The following ABCA12 variants were observed in gnomAD, a reference collection of about 807,000 sequenced individuals.
The protein encoded by ABCA12 is glucosylceramide transporter ABCA12.
In ABCA12, 156 loss-of-function variants were observed where a neutral mutation model predicts 293.5. That is an observed-to-expected ratio of 0.53 (90% CI 0.47 to 0.61). ABCA12 has a LOEUF of 0.61. Ranked by LOEUF, ABCA12 falls within the 20% of genes least tolerant of loss-of-function variation. The pLI is 0.00. For missense variants in ABCA12, 2,797 were observed against 3,090.2 expected (o/e 0.91, Z 2.25); for synonymous variants, 1,063 against 1,108.0 (o/e 0.96, Z 0.81).
chr2:214,935,956 A>G (rs1698206147), intron 51 of ABCA12, among the ~76,000 whole-genome samples: 1 of 152,146 alleles, frequency 6.6e-6, no homozygotes, highest in African/African-American at 2.4e-5. Context: ...TCAAATTAAC[A>G]TTGTGCCTTA....
chr2:214,945,348 G>A (rs937248301), intron 48 of ABCA12, among the ~76,000 whole-genome samples: 39 of 152,046 alleles, frequency 2.6e-4, no homozygotes, highest in African/African-American at 8.9e-4. Flanking sequence ...CTTTACATCC[G>A]TCTCTTATGT....
rs145095586 is a variant in ABCA12, at chr2:214,944,877, A to ATG, written c.7343+123_7343+124insCA. The stretch of plus-strand genomic sequence containing the variant: ...GTGTATATATTTTGTATGTGTGTAT[A>ATG]TATATATATACACACACATATATAT... On this transcript the variant is annotated intron_variant, in intron 49 of 52. Coordinates refer to ENST00000272895, the MANE Select transcript of ABCA12 (RefSeq NM_173076.3). The ATG allele has an allele frequency of 6.6e-5, 46 of 694,100 alleles. No homozygotes were observed. In the South Asian group the frequency reaches 7.5e-4, roughly 11 times the overall value. The allele number at this position is 694,100 out of a possible 1,614,324, so 43.0% of individuals were successfully genotyped here. A position where few individuals can be genotyped will look rare whatever the true frequency, so the allele number is the denominator to read the frequency against.
chr2:214,974,303 G>A (rs1699460240), intron 35 of ABCA12, among the ~76,000 whole-genome samples: 1 of 152,140 alleles, frequency 6.6e-6, no homozygotes, highest in African/African-American at 2.4e-5. Context: ...GTGTCAGGAT[G>A]GGGTTTCTTC....
At chr2:214,963,314 G>GA (rs1258177309) in intron 39 of ABCA12, 4 of 151,880 alleles carry the variant, frequency 2.6e-5, no homozygotes, top group Non-Finnish European at 2.9e-5. Context: ...AGAAAATGTA[G>GA]AAAAAATGGA....
Position 214,955,436 on chromosome 2 carries a change from C to A in ABCA12, c.6234-75G>T, listed in dbSNP as rs993837749. ...GTGGCTCACACCTGTAATCCTAACA[C>A]TTTAGGAGGCTGAGGCAGGTGGATC... On this transcript the variant is annotated intron_variant, in intron 42 of 52. Coordinates refer to ENST00000272895, the MANE Select transcript of ABCA12 (RefSeq NM_173076.3). 2.4e-4 allele frequency: 344 copies of A among 1,448,348 alleles called. 4 individuals are homozygous for A. The highest frequency in any genetic ancestry group is 5.1e-5 in the Admixed American group (3 of 58,568). 89.7% of individuals were successfully genotyped at this position (1,448,348 alleles called of 1,614,324 possible). A position where few individuals can be genotyped will look rare whatever the true frequency, so the allele number is the denominator to read the frequency against.
chr2:215,103,571 C>G (rs907817479), intron 2 of ABCA12, among the ~76,000 whole-genome samples: 18 of 151,716 alleles, frequency 1.2e-4, no homozygotes, highest in Non-Finnish European at 2.7e-4. Context: ...GCACCTGGCC[C>G]TATAACATCC....
intron 3 of ABCA12, among the ~76,000 whole-genome samples, chr2:215,057,251 A>C (rs376334815): frequency 1.3e-5 from 2 of 152,080 alleles, no homozygotes; most frequent in African/African-American, 4.8e-5. Flanking sequence ...AATAACACCT[A>C]CTTTGCAAGG....
At chr2:214,948,909 CA>C in intron 46 of ABCA12, 130 bp downstream of exon 46, 1 of 1,131,696 alleles carries the variant, frequency 8.8e-7, no homozygotes, top group Non-Finnish European at 1.3e-6. Context: ...CATTTCCACC[CA>C]CCTTAATAGC....
chr2:214,988,927 C>T (rs1425366240), intron 26 of ABCA12, among the ~76,000 whole-genome samples: 1 of 151,164 alleles, frequency 6.6e-6, no homozygotes, highest in Non-Finnish European at 1.5e-5. Flanking sequence ...GCCCGTAATC[C>T]CAGCACTTTG....
chr2:215,137,559 G>C (rs986432877), intron 1 of ABCA12, among the ~76,000 whole-genome samples: 1 of 152,186 alleles, frequency 6.6e-6, no homozygotes, highest in African/African-American at 2.4e-5. Context: ...TAGTAGTAAA[G>C]CTAAGTGATT....
At chr2:214,961,417 C>T (rs909539105) in intron 39 of ABCA12, among the ~76,000 whole-genome samples, 2 of 152,066 alleles carry the variant, frequency 1.3e-5, no homozygotes, top group African/African-American at 4.8e-5. Flanking sequence ...TTAGGAGCTA[C>T]AACAAGCCTG....
In ABCA12 at chr2:214,989,582, A is replaced by G; in HGVS notation, c.3664T>C (p.Tyr1222His). Residue 1222 changes from tyrosine to histidine, a missense_variant, in exon 25 of 53, where the codon TAC becomes CAC. Physicochemically the swap from Tyr to His is moderately conservative, Grantham distance 83. Coordinates refer to ENST00000272895, the MANE Select transcript of ABCA12 (RefSeq NM_173076.3). ...CCCTGTTCTTCGTATCGTGCAATGT[A>G]TTGGCTTGCATAGCTGAATGCTGTT... ...SPTAFSYASQ[Y>H]IARYEEQGIG... The G allele has an allele frequency of 1.2e-6, 2 of 1,614,066 alleles. No individual in the cohort carries two copies. The highest frequency in any genetic ancestry group is 1.3e-5 in the African/African-American group (1 of 75,058).
intron 51 of ABCA12, among the ~76,000 whole-genome samples, chr2:214,934,531 T>C (rs183272903): frequency 1.0e-3 from 153 of 152,336 alleles, no homozygotes; most frequent in Non-Finnish European, 1.9e-3. Context: ...TGTGACATTA[T>C]GCTCAGCTCA....
rs1699453551 is a variant in ABCA12 at position 214,974,111 on chromosome 2, G to A, written c.5469-69C>T. On this transcript the variant is annotated intron_variant, in intron 35 of 52. Transcript: ENST00000272895. Reference sequence around the variant, plus strand: ...TGTTCTCATGTTTACATATGAGCATGTAAACAAGTATTTGGTATTAAGTTC... The same window carrying A: ...TGTTCTCATGTTTACATATGAGCATATAAACAAGTATTTGGTATTAAGTTC... 3.7e-6 allele frequency: 5 copies of A among 1,350,236 alleles called. No individual in the cohort carries two copies. In the Admixed American group the frequency reaches 6.8e-5, roughly 18 times the overall value. 83.6% of individuals were successfully genotyped at this position (1,350,236 alleles called of 1,614,324 possible).
intron 23 of ABCA12, among the ~76,000 whole-genome samples, chr2:214,993,703 AT>A (rs1699974672): frequency 1.3e-5 from 2 of 152,224 alleles, no homozygotes; most frequent in African/African-American, 4.8e-5. Context: ...CAATGTCAAT[AT>A]ATTTCCCAAG....
intron 33 of ABCA12, among the ~76,000 whole-genome samples, chr2:214,976,392 C>G (rs952226695): frequency 6.6e-6 from 1 of 152,272 alleles, no homozygotes; most frequent in East Asian, 1.9e-4. Context: ...TCAATGCAGA[C>G]CCAGTATATA....
Position 214,980,661 on chromosome 2 carries a change from G to T in ABCA12, c.4580-18C>A, listed in dbSNP as rs1362064279. ...TGTTCTGGCTTGAAAATACAGACAA[G>T]AACAACAGGGAATGAAACGTGAAAG... On this transcript the variant is annotated intron_variant, in intron 30 of 52. Coordinates refer to ENST00000272895, the MANE Select transcript of ABCA12 (RefSeq NM_173076.3). The T allele has an allele frequency of 1.9e-6, 3 of 1,613,768 alleles. No homozygotes were observed. The highest frequency in any genetic ancestry group is 2.5e-6 in the Non-Finnish European group (3 of 1,179,884).
At position 214,983,924 on chromosome 2, in the gene ABCA12, A is replaced by C. The variant is rs1699727371; in HGVS notation, c.4164-59T>G. 6 of 1,472,972 alleles carry C rather than the reference A, an allele frequency of 4.1e-6. No individual in the cohort carries two copies. In the Admixed American group the frequency reaches 1.1e-4, roughly 26 times the overall value. 91.2% of individuals were successfully genotyped at this position (1,472,972 alleles called of 1,614,324 possible). On this transcript the variant is annotated intron_variant, in intron 28 of 52. Coordinates refer to ENST00000272895, the MANE Select transcript of ABCA12 (RefSeq NM_173076.3). ...CCAAGCATTGAAGCTAGATATTAGG[A>C]ATAACTATATCTCAGTTGTTAGAAG...
chr2:215,127,875 T>C (rs774834864), intron 1 of ABCA12, among the ~76,000 whole-genome samples: 12 of 152,320 alleles, frequency 7.9e-5, no homozygotes, highest in Admixed American at 3.9e-4. Flanking sequence ...TTTTAACTTG[T>C]ATTTTTGTTT....
Sources: gnomAD v4.1 joint callset for allele counts (sites outside exome capture counted in the v4.1 genomes callset) on GRCh38, gnomAD v4.1.1 for gene constraint, MANE v1.5 for transcripts, NCBI Gene and HGNC (gene_info 2026-07-23, HGNC 2026-07-21) for gene names.